MID2: variants seen among roughly 807,000 people sequenced by gnomAD.
MID2 encodes midline 2, also known as probable E3 ubiquitin-protein ligase MID2.
Under a neutral mutation model 46.1 loss-of-function variants are expected in MID2, and 13 were observed. The observed-to-expected ratio is 0.28, with a 90% CI of 0.18 to 0.45. The LOEUF is 0.45. Ranked by LOEUF, MID2 falls within the 20% of genes least tolerant of loss-of-function variation. The pLI is 1.00. For missense variants in MID2, 431 were observed against 575.4 expected (o/e 0.75, Z 2.57); for synonymous variants, 199 against 212.3 (o/e 0.94, Z 0.55).
rs1225888148 is a variant in MID2 at position 107,841,020 on chromosome X, G to A, written c.355G>A (p.Glu119Lys). 2.5e-6 allele frequency: 3 copies of A among 1,209,403 alleles called. No homozygotes were observed. Among genetic ancestry groups the A allele is most frequent in the Non-Finnish European group, 3.4e-6 (3 of 895,064 alleles). ...ASVSGPNSPS[E>K]SRRERTYRPT... Reference sequence around the variant, plus strand: ...AGTCAGTGGGCCCAATTCCCCTAGTGAGAGCCGCCGGGAAAGGACTTACAG... The same window carrying A: ...AGTCAGTGGGCCCAATTCCCCTAGTAAGAGCCGCCGGGAAAGGACTTACAG... The change falls in exon 2 of 10, where the codon GAG becomes AAG. Residue 119 changes from glutamate to lysine, a missense_variant. Glu to Lys is a moderately conservative substitution (Grantham distance 56). Coordinates refer to ENST00000262843, the MANE Select transcript of MID2 (RefSeq NM_012216.4).
Position 107,896,800 on chromosome X carries a change from CCT to C in MID2, c.817-7146_817-7145del, listed in dbSNP as rs1168462435. ...AAGAAGTATATGTTTGTGAGCACAG[CCT>C]CTCTCTCTCTCACACACACACACAC... On this transcript the variant is annotated intron_variant, in intron 3 of 9. Transcript: ENST00000262843. 3.8e-3 allele frequency among the ~76,000 whole-genome samples: 413 copies of C among 108,276 alleles called. 3 individuals carry two copies. The highest frequency in any genetic ancestry group is 0.014 in the African/African-American group (398 of 29,112). 94.0% of individuals were successfully genotyped at this position (108,276 alleles called of 115,157 possible). A position where few individuals can be genotyped will look rare whatever the true frequency, so the allele number is the denominator to read the frequency against.
At chrX:107,914,510 G>A (rs1932938417) in intron 5 of MID2, among the ~76,000 whole-genome samples, 1 of 112,086 alleles carries the variant, frequency 8.9e-6, no homozygotes, top group African/African-American at 3.2e-5. Flanking sequence ...ATATGTACAT[G>A]AGGATATGTA....
chrX:107,883,059 G>A (rs999140880), intron 3 of MID2, among the ~76,000 whole-genome samples: 1 of 111,741 alleles, frequency 8.9e-6, no homozygotes, highest in African/African-American at 3.3e-5. Flanking sequence ...CAGGGACATG[G>A]ATGAAGCTGG....
At chrX:107,916,294 G>GA (rs1279340657) in intron 6 of MID2, among the ~76,000 whole-genome samples, 165 bp downstream of exon 6, 1 of 111,959 alleles carries the variant, frequency 8.9e-6, no homozygotes, top group Non-Finnish European at 1.9e-5. Context: ...TCATGTAACA[G>GA]AAAAAAAGAT....
In MID2 at chrX:107,854,719, C is replaced by T. The variant is rs371331212; in HGVS notation, c.816+15C>T. The T allele has an allele frequency of 9.1e-5, 106 of 1,164,940 alleles. 3 individuals are homozygous for T. Among genetic ancestry groups the T allele is most frequent in the Admixed American group, 5.9e-4 (27 of 45,612 alleles). On this transcript the variant is annotated intron_variant, in intron 3 of 9. Transcript: ENST00000262843. ...AGCAGGTTGAGGTATGTAACAGAAA[C>T]ATTTGTGATTTTTCAGAGGACCTGA...
chrX:107,833,862 C>T (rs1247941673), intron 1 of MID2, among the ~76,000 whole-genome samples: 3 of 111,452 alleles, frequency 2.7e-5, no homozygotes, highest in East Asian at 5.6e-4. Flanking sequence ...GGCACAATTA[C>T]GGCTTACTGC....
chrX:107,881,845 T>C (rs1295533965), intron 3 of MID2, among the ~76,000 whole-genome samples: 5 of 112,542 alleles, frequency 4.4e-5, no homozygotes, highest in Non-Finnish European at 7.5e-5. Flanking sequence ...TGAATGATAT[T>C]AAGGAATTAT....
chrX:107,892,403 A>T (rs926011019), intron 3 of MID2, among the ~76,000 whole-genome samples: 2 of 111,912 alleles, frequency 1.8e-5, no homozygotes, highest in Admixed American at 1.9e-4. Context: ...TTGCTCTTCC[A>T]TGAAGGAATT....
chrX:107,877,917 C>G (rs1236133408), intron 3 of MID2, among the ~76,000 whole-genome samples: 2 of 109,764 alleles, frequency 1.8e-5, no homozygotes, highest in East Asian at 5.7e-4. Context: ...GTCAAACTTG[C>G]AGTTATCAGC....
Position 107,876,427 on chromosome X carries a change from C to T in MID2, c.816+21723C>T, listed in dbSNP as rs1426672901. On this transcript the variant is annotated intron_variant, in intron 3 of 9. Coordinates refer to ENST00000262843, the MANE Select transcript of MID2 (RefSeq NM_012216.4). The stretch of plus-strand genomic sequence containing the variant: ...GTGCTTTACCAAGGCCCCTCTTAGC[C>T]TCTCCAGAAAGGCAGTAGGATTCTC... Among the ~76,000 whole-genome samples the T allele has an allele frequency of 3.6e-5, 4 of 111,482 alleles. No individual in the cohort carries two copies. In the East Asian group the frequency reaches 1.1e-3, roughly 32 times the overall value.
At chrX:107,868,689 G>A (rs1602474290) in intron 3 of MID2, among the ~76,000 whole-genome samples, 1 of 111,493 alleles carries the variant, frequency 9.0e-6, no homozygotes, top group Admixed American at 9.5e-5. Context: ...GAGTGAGAAG[G>A]GAGGTAGTAG....
chrX:107,855,214 C>G (rs1931715737), intron 3 of MID2, among the ~76,000 whole-genome samples: 1 of 111,611 alleles, frequency 9.0e-6, no homozygotes, highest in African/African-American at 3.3e-5. Flanking sequence ...CTGGTCCTCA[C>G]TCATTACCTT....
intron 7 of MID2, among the ~76,000 whole-genome samples, chrX:107,922,294 C>T (rs1001508247): frequency 2.7e-5 from 3 of 111,402 alleles, no homozygotes; most frequent in African/African-American, 6.5e-5. Flanking sequence ...GCTCTGTCCA[C>T]GCCACAACAA....
In MID2 at chrX:107,931,044, C is replaced by CT. The variant is rs1933272899; in HGVS notation, c.*3974dup. ...TTTTATTATACAATTCTATGTGTAT[C>CT]TTTAGATGCAGTGAAATTCAGATTG... On this transcript the variant is annotated 3_prime_UTR_variant, in exon 10 of 10. Transcript: ENST00000262843. Among the ~76,000 whole-genome samples, 1 of 112,437 alleles carries CT rather than the reference C, an allele frequency of 8.9e-6. No individual in the cohort carries two copies. The highest frequency in any genetic ancestry group is 1.9e-5 in the Non-Finnish European group (1 of 53,248).
intron 3 of MID2, among the ~76,000 whole-genome samples, chrX:107,866,647 G>A (rs1273176957): frequency 8.9e-6 from 1 of 112,095 alleles, no homozygotes; most frequent in African/African-American, 3.2e-5. Context: ...AGTAGCAGGT[G>A]TATTAAGTCT....
At position 107,848,771 on chromosome X, in the gene MID2, A is replaced by G. The variant is rs181658654; in HGVS notation, c.721-5838A>G. Among the ~76,000 whole-genome samples, 12 of 112,068 alleles carry G rather than the reference A, an allele frequency of 1.1e-4. No homozygotes were observed. In the East Asian group the frequency reaches 3.1e-3, roughly 29 times the overall value. ...TGGCATGTTCTGTTGTTGAGAGGCCATATGTAATTGATACATAAAGTGACA... is the reference window on the plus strand; with the variant it reads ...TGGCATGTTCTGTTGTTGAGAGGCCGTATGTAATTGATACATAAAGTGACA... On this transcript the variant is annotated intron_variant, in intron 2 of 9. Transcript: ENST00000262843.
At chrX:107,851,851 T>G (rs1261504856) in intron 2 of MID2, among the ~76,000 whole-genome samples, 1 of 90,795 alleles carries the variant, frequency 1.1e-5, no homozygotes, top group Non-Finnish European at 2.2e-5. Flanking sequence ...TATTTCTTTA[T>G]ACTTTTTATT....
chrX:107,859,912 A>G (rs1285242183), intron 3 of MID2, among the ~76,000 whole-genome samples: 1 of 111,875 alleles, frequency 8.9e-6, no homozygotes, highest in Non-Finnish European at 1.9e-5. Context: ...GCTTGGGCCC[A>G]AATAATAAAG....
At chrX:107,859,109 G>A (rs1197368450) in intron 3 of MID2, among the ~76,000 whole-genome samples, 5 of 111,631 alleles carry the variant, frequency 4.5e-5, no homozygotes, top group Non-Finnish European at 9.4e-5. Flanking sequence ...TGCTCGTATT[G>A]CCCATTGGAA....
Sources: allele counts gnomAD v4.1 joint callset (sites outside exome capture counted in the v4.1 genomes callset), GRCh38; gene constraint gnomAD v4.1.1; transcripts MANE v1.5; gene names NCBI Gene and HGNC (gene_info 2026-07-23, HGNC 2026-07-21).